Variants in SYS1 observed in about 807,000 individuals in gnomAD.
SYS1 encodes the protein protein SYS1 homolog.
A neutral mutation model predicts 17.8 loss-of-function variants in SYS1; 8 were observed. The ratio of observed to expected loss-of-function variants is 0.45; its 90% CI spans 0.26 to 0.81. The LOEUF (loss-of-function observed/expected upper bound fraction) is 0.81. SYS1 is among the 40% of genes least tolerant of loss of function. The probability of loss-of-function intolerance (pLI) is 0.16; values close to 1 mark genes in which losing one functional copy is unlikely to be tolerated. For synonymous variants in SYS1, 95 were observed against 90.9 expected (o/e 1.05, Z -0.26); for missense variants, 161 against 203.9 (o/e 0.79, Z 1.28).
downstream of SYS1, chr20:45,373,639 G>T (rs1555870278): frequency 4.1e-6 from 2 of 493,780 alleles, no homozygotes; most frequent in Non-Finnish European, 7.4e-6. Flanking sequence ...GGGCGATTGT[G>T]AGGCACTTTG....
downstream of SYS1, chr20:45,373,896 T>C (rs1488942343): frequency 1.9e-6 from 3 of 1,611,778 alleles, no homozygotes; most frequent in Admixed American, 1.7e-5. Flanking sequence ...TTAGGTGCCA[T>C]ATGGAAGATC....
At chr20:45,363,917 G>A (rs1988313710) in intron 2 of SYS1, among the ~76,000 whole-genome samples, 2 of 152,206 alleles carry the variant, frequency 1.3e-5, no homozygotes, top group African/African-American at 2.4e-5. Flanking sequence ...CAATAAACAC[G>A]TCTGTGTTCC....
chr20:45,372,365 C>G (rs2741423), downstream of SYS1, among the ~76,000 whole-genome samples: 12 of 152,230 alleles, frequency 7.9e-5, no homozygotes, highest in Non-Finnish European at 1.3e-4. Flanking sequence ...CTCCGGCTCT[C>G]TGGAGCAAAG....
rs1049382849 is a variant in SYS1, at chr20:45,365,964, G to C, written c.230+278G>C. 5 of 472,208 alleles carry C rather than the reference G, an allele frequency of 1.1e-5. No homozygotes were observed. The East Asian group carries it at 1.2e-4, about 12-fold the overall frequency. The allele number at this position is 472,208 out of a possible 1,614,324, so 29.3% of individuals were successfully genotyped here. A position where few individuals can be genotyped will look rare whatever the true frequency, so the allele number is the denominator to read the frequency against. On this transcript the variant is annotated intron_variant, in intron 3 of 3. Coordinates refer to ENST00000243918, the MANE Select transcript of SYS1 (RefSeq NM_033542.4). ...TGTGGAGTGAGCTGAGAAAGGATTCGACCGAGAGGCAGGAGAACTGGGTTC... is the reference window on the plus strand; with the variant it reads ...TGTGGAGTGAGCTGAGAAAGGATTCCACCGAGAGGCAGGAGAACTGGGTTC...
intron 2 of SYS1, among the ~76,000 whole-genome samples, chr20:45,364,876 T>C (rs1388085418): frequency 6.6e-6 from 1 of 152,188 alleles, no homozygotes; most frequent in Non-Finnish European, 1.5e-5. Context: ...GTGATAAGAA[T>C]TAAAAGAAGA....
chr20:45,374,667 T>G (rs1988667097), exon 4 of SYS1: 1 of 429,954 alleles, frequency 2.3e-6, no homozygotes, highest in African/African-American at 2.0e-5. Flanking sequence ...AAAGCCCTAC[T>G]TGACCATCTC....
chr20:45,365,102 C>T (rs1988367593), intron 2 of SYS1: 2 of 234,518 alleles, frequency 8.5e-6, no homozygotes, highest in South Asian at 5.3e-5. Flanking sequence ...TGTTGAAGAG[C>T]CATATGATGC....
At chr20:45,363,088 A>C (rs974090083), upstream of SYS1, 1 of 994,276 alleles carries the variant, frequency 1.0e-6, no homozygotes, top group Non-Finnish European at 1.2e-6. Context: ...AGGTTCAGGC[A>C]GAGGTTGCAC....
rs766714333 is a variant in SYS1 at position 45,367,528 on chromosome 20, A to G, written c.*413A>G. Reference sequence around the variant, plus strand: ...GCTGTTACCTTTGCAGTGTTGCCGAATCACAGCAGTTACCTTTGCAGTGTT... The same window carrying G: ...GCTGTTACCTTTGCAGTGTTGCCGAGTCACAGCAGTTACCTTTGCAGTGTT... On this transcript the variant is annotated 3_prime_UTR_variant, in exon 4 of 4. Coordinates refer to ENST00000243918, the MANE Select transcript of SYS1 (RefSeq NM_033542.4). The G allele has an allele frequency of 2.1e-5, 21 of 1,003,598 alleles. No individual in the cohort carries two copies. Among genetic ancestry groups the G allele is most frequent in the Admixed American group, 1.1e-4 (2 of 18,346 alleles). 62.2% of individuals were successfully genotyped at this position (1,003,598 alleles called of 1,614,324 possible).
exon 4 of SYS1, chr20:45,375,264 GC>G: frequency 6.2e-7 from 1 of 1,614,198 alleles, no homozygotes; most frequent in Non-Finnish European, 8.5e-7. Context: ...TGACTCGGGG[GC>G]CCTCGGTGAG....
chr20:45,366,767 T>G (rs912856490), intron 3 of SYS1, 108 bp from the exon 4 acceptor site: 1 of 898,590 alleles, frequency 1.1e-6, no homozygotes, highest in Non-Finnish European at 1.8e-6. Context: ...TTCACACTTA[T>G]CTCGTCACTT....
intron 2 of SYS1, among the ~76,000 whole-genome samples, chr20:45,364,770 C>T (rs150037015): frequency 6.6e-6 from 1 of 152,008 alleles, no homozygotes; most frequent in Non-Finnish European, 1.5e-5. Flanking sequence ...CGCGCCCGGC[C>T]GAGCACAGTT....
At chr20:45,373,814 C>T, downstream of SYS1, 2 of 1,238,552 alleles carry the variant, frequency 1.6e-6, no homozygotes, top group African/African-American at 1.5e-5. Context: ...GACACAGGCT[C>T]CCTCTACCGA....
At position 45,366,012 on chromosome 20, in the gene SYS1, G is replaced by A. The variant is rs965257919; in HGVS notation, c.230+326G>A. On this transcript the variant is annotated intron_variant, in intron 3 of 3. Coordinates refer to ENST00000243918, the MANE Select transcript of SYS1 (RefSeq NM_033542.4). ...TTCTGTTCTTGGTTTGTGTGCCATTGGCCAAGTTACTTGCCATGGGCCTCA... is the reference window on the plus strand; with the variant it reads ...TTCTGTTCTTGGTTTGTGTGCCATTAGCCAAGTTACTTGCCATGGGCCTCA... 12 of 388,700 alleles carry A rather than the reference G, an allele frequency of 3.1e-5. 2 individuals are homozygous for A. The highest frequency in any genetic ancestry group is 3.9e-5 in the Admixed American group (1 of 25,498). 24.1% of individuals were successfully genotyped at this position (388,700 alleles called of 1,614,324 possible).
At position 45,363,552 on chromosome 20, in the gene SYS1, C is replaced by CT. The variant is rs1413088737; in HGVS notation, c.22dup (p.Tyr8LeufsTer146). On this transcript the variant is annotated frameshift_variant, in exon 2 of 4. Transcript: ENST00000243918. LOFTEE classifies it high-confidence loss of function. ...AGGGCATGGCGGGTCAGTTCCGCAG[C>CT]TACGTGTGGGACCCGCTGCTGATCC... 6.4e-7 allele frequency: 1 copy of CT among 1,573,726 alleles called. No individual in the cohort carries two copies. Among genetic ancestry groups the CT allele is most frequent in the Non-Finnish European group, 8.6e-7 (1 of 1,161,232 alleles).
At chr20:45,374,085 A>G, downstream of SYS1, 2 of 1,390,042 alleles carry the variant, frequency 1.4e-6, no homozygotes, top group Non-Finnish European at 2.0e-6. Flanking sequence ...GAGCGGGCGC[A>G]GGGACAAGGG....
Position 45,363,267 on chromosome 20 carries a change from G to A in SYS1, c.-52G>A, listed in dbSNP as rs1287331821. 1.6e-6 allele frequency: 2 copies of A among 1,227,564 alleles called. No individual in the cohort carries two copies. Among genetic ancestry groups the A allele is most frequent in the East Asian group, 3.8e-5 (1 of 26,576 alleles). 76.0% of individuals were successfully genotyped at this position (1,227,564 alleles called of 1,614,324 possible). On this transcript the variant is annotated 5_prime_UTR_variant, in exon 1 of 4. Transcript: ENST00000243918. Reference sequence around the variant, plus strand: ...GTCAGCGCTGTTTTGGGAGCCCGCCGGTGAGGCCGGGCCACGCTCAGACAC... The same window carrying A: ...GTCAGCGCTGTTTTGGGAGCCCGCCAGTGAGGCCGGGCCACGCTCAGACAC...
rs971903895 is a variant in SYS1, at chr20:45,363,709, T to C, written c.162+16T>C. ...CGACGCCGAGGTAGGGTCCCCGGAC[T>C]GGGGCGGGTGGGGTCTCGGCCTCCC... On this transcript the variant is annotated intron_variant, in intron 2 of 3. Coordinates refer to ENST00000243918, the MANE Select transcript of SYS1 (RefSeq NM_033542.4). The C allele has an allele frequency of 1.3e-6, 2 of 1,549,686 alleles. No individual in the cohort carries two copies. The highest frequency in any genetic ancestry group is 2.7e-5 in the African/African-American group (2 of 73,304).
chr20:45,367,370 CAG>C lies in SYS1; in HGVS notation c.*257_*258del. ...AAGGGGACCTCTTTGAGGGTAATAA[CAG>C]AATTGGAACCATGCCACTCTTGAGC... is the stretch of plus-strand genomic sequence containing the variant. On this transcript the variant is annotated 3_prime_UTR_variant, in exon 4 of 4. Coordinates refer to ENST00000243918, the MANE Select transcript of SYS1 (RefSeq NM_033542.4). 7.5e-7 allele frequency: 1 copy of C among 1,339,370 alleles called. No homozygotes were observed. Among genetic ancestry groups the C allele is most frequent in the African/African-American group, 1.5e-5 (1 of 67,972 alleles). 83.0% of individuals were successfully genotyped at this position (1,339,370 alleles called of 1,614,324 possible).
Sources: gnomAD v4.1 joint callset for allele counts (sites outside exome capture counted in the v4.1 genomes callset) on GRCh38, gnomAD v4.1.1 for gene constraint, MANE v1.5 for transcripts, NCBI Gene and HGNC (gene_info 2026-07-23, HGNC 2026-07-21) for gene names.